PDGFRB: variants seen among roughly 807,000 people sequenced by gnomAD.
PDGFRB encodes the protein platelet derived growth factor receptor beta.
In PDGFRB, 42 loss-of-function variants were observed where a neutral mutation model predicts 120.2. The observed-to-expected ratio is 0.35, with a 90% CI of 0.27 to 0.45. The LOEUF (loss-of-function observed/expected upper bound fraction) is 0.45, where lower values mean the gene tolerates loss of function less well. Among genes scored for constraint, PDGFRB ranks in the 20% least tolerant of loss-of-function variants. The pLI is 1.00. For synonymous variants in PDGFRB, 586 were observed against 606.8 expected, an observed-to-expected ratio of 0.97 and a Z score of 0.50; for missense variants, 1,149 against 1,476.3, an observed-to-expected ratio of 0.78 and a Z score of 3.63.
At chr5:150,147,926 C>T (rs953859691) in intron 1 of PDGFRB, among the ~76,000 whole-genome samples, 3 of 152,200 alleles carry the variant, frequency 2.0e-5, no homozygotes, top group Admixed American at 6.5e-5. Context: ...GAAGAAGTCA[C>T]TCACTCACTC....
At chr5:150,152,247 T>C (rs983553853) in intron 1 of PDGFRB, among the ~76,000 whole-genome samples, 2 of 152,154 alleles carry the variant, frequency 1.3e-5, no homozygotes, top group African/African-American at 2.4e-5. Context: ...ACTAAGAATG[T>C]CCTGAATGCC....
At chr5:150,150,563 C>CCTGCCCCAGGCTGGGGGTGGG (rs1761047748) in intron 1 of PDGFRB, among the ~76,000 whole-genome samples, 1 of 150,524 alleles carries the variant, frequency 6.6e-6, no homozygotes, top group African/African-American at 2.5e-5. Context: ...TTTTCAGCCT[C>CCTGCCCCAGGCTGGGGGTGGG]CTGCACCAGG....
In PDGFRB at chr5:150,129,135, T is replaced by A. The variant is rs544193569; in HGVS notation, c.1579+622A>T. Reference sequence around the variant, plus strand: ...ACTTTTCTAGAAAGGTGTGCTCCAATTATATGCTTACAGACATGCACTATG... The same window carrying A: ...ACTTTTCTAGAAAGGTGTGCTCCAAATATATGCTTACAGACATGCACTATG... On this transcript the variant is annotated intron_variant, in intron 10 of 22. Coordinates refer to ENST00000261799, the MANE Select transcript of PDGFRB (RefSeq NM_002609.4). Among the ~76,000 whole-genome samples, 39 of 152,308 alleles carry A rather than the reference T, an allele frequency of 2.6e-4. 1 individual carries two copies. In the South Asian group the frequency reaches 7.9e-3, roughly 31 times the overall value.
Position 150,121,018 on chromosome 5 carries a change from T to C in PDGFRB, c.2464-8A>G. 1 of 1,613,906 alleles carries C rather than the reference T, an allele frequency of 6.2e-7. No individual in the cohort carries two copies. The highest frequency in any genetic ancestry group is 8.5e-7 in the Non-Finnish European group (1 of 1,179,842). ...CAGGTCTCTGTGGACGCACTGGGTT[T>C]GGGGAGAGGGGAGCTGAGGCCTTGG... On this transcript the variant is annotated splice_region_variant and splice_polypyrimidine_tract_variant and intron_variant, in intron 17 of 22. Coordinates refer to ENST00000261799, the MANE Select transcript of PDGFRB (RefSeq NM_002609.4). The surrounding 1 kb of genome is among the most constrained non-coding windows in gnomAD (Gnocchi z 4.1).
chr5:150,144,339 G>T (rs1025613254), intron 1 of PDGFRB, among the ~76,000 whole-genome samples: 2 of 152,114 alleles, frequency 1.3e-5, no homozygotes, highest in Non-Finnish European at 2.9e-5. Context: ...TTCCGGCCCG[G>T]CCCTGACAGC....
intron 1 of PDGFRB, among the ~76,000 whole-genome samples, chr5:150,148,388 C>T (rs1010049218): frequency 1.3e-5 from 2 of 152,224 alleles, no homozygotes; most frequent in African/African-American, 2.4e-5. Flanking sequence ...CCTGGGCCCT[C>T]GGCTGCCTCC....
rs756870292 is a variant in PDGFRB, at chr5:150,121,350, T to A, written c.2345-28A>T. ...AGAGGAGAAGCAGAGGGTCACCTGC[T>A]ATCTTATATCTCCTTCTGGCCCACA... On this transcript the variant is annotated intron_variant, in intron 16 of 22. Coordinates refer to ENST00000261799, the MANE Select transcript of PDGFRB (RefSeq NM_002609.4). The surrounding 1 kb of genome is among the most constrained non-coding windows in gnomAD (Gnocchi z 4.1). 1 of 982,460 alleles carries A rather than the reference T, an allele frequency of 1.0e-6. No homozygotes were observed. Among genetic ancestry groups the A allele is most frequent in the Non-Finnish European group, 1.7e-6 (1 of 602,546 alleles). 60.9% of individuals were successfully genotyped at this position (982,460 alleles called of 1,614,324 possible). A position where few individuals can be genotyped will look rare whatever the true frequency, so the allele number is the denominator to read the frequency against.
intron 1 of PDGFRB, among the ~76,000 whole-genome samples, chr5:150,147,576 G>T (rs1475813629): frequency 6.6e-6 from 1 of 152,218 alleles, no homozygotes; most frequent in Non-Finnish European, 1.5e-5. Flanking sequence ...TAGGGGAGGG[G>T]TAGCTAGCTA....
chr5:150,129,682 A>C, intron 10 of PDGFRB, 75 bp downstream of exon 10: 4 of 1,261,120 alleles, frequency 3.2e-6, no homozygotes, highest in Non-Finnish European at 4.5e-6. Context: ...CTGTGGGTAC[A>C]TGGGCACATT....
At chr5:150,145,284 T>C (rs539502305) in intron 1 of PDGFRB, among the ~76,000 whole-genome samples, 46 of 152,348 alleles carry the variant, frequency 3.0e-4, no homozygotes, top group African/African-American at 1.1e-3. Flanking sequence ...ACAGACAAAA[T>C]ATGTGTTAAT....
At chr5:150,128,187 C>T (rs375993231) in intron 10 of PDGFRB, among the ~76,000 whole-genome samples, 17 of 152,352 alleles carry the variant, frequency 1.1e-4, no homozygotes, top group Admixed American at 3.3e-4. Flanking sequence ...CTCAGCTTCC[C>T]GCTCAGGCTT....
chr5:150,148,181 C>T (rs1760977077), intron 1 of PDGFRB, among the ~76,000 whole-genome samples: 1 of 152,226 alleles, frequency 6.6e-6, no homozygotes, highest in Admixed American at 6.5e-5. Flanking sequence ...ATCTAATCAC[C>T]ACTGTCTGTC....
intron 12 of PDGFRB, 88 bp downstream of exon 12, chr5:150,125,357 G>T (rs1436614622): frequency 8.3e-7 from 1 of 1,209,452 alleles, no homozygotes; most frequent in Non-Finnish European, 1.2e-6. Context: ...CTCATAGCTA[G>T]TCATGGCAAG....
chr5:150,139,808 C>T (rs537240357), intron 1 of PDGFRB, among the ~76,000 whole-genome samples: 29 of 152,028 alleles, frequency 1.9e-4, no homozygotes, highest in South Asian at 8.3e-4. Context: ...GGTGAAACCC[C>T]GTCTCTACTA....
At chr5:150,142,101 C>T (rs1455406999) in intron 1 of PDGFRB, among the ~76,000 whole-genome samples, 1 of 152,122 alleles carries the variant, frequency 6.6e-6, no homozygotes, top group Non-Finnish European at 1.5e-5. Context: ...CACGCCAGAG[C>T]CCTCAGGGAT....
intron 15 of PDGFRB, among the ~76,000 whole-genome samples, chr5:150,122,812 G>A (rs144195884): frequency 3.0e-4 from 46 of 152,304 alleles, no homozygotes; most frequent in African/African-American, 1.0e-3. Flanking sequence ...AAACACCCAC[G>A]ACACAGGGAT....
In PDGFRB at chr5:150,129,929, A is replaced by T. The variant is rs375139942; in HGVS notation, c.1407T>A (p.Ser469Arg). 3.1e-6 allele frequency: 5 copies of T among 1,613,940 alleles called. No homozygotes were observed. In the African/African-American group the frequency reaches 5.3e-5, roughly 17 times the overall value. The change falls in exon 10 of 23, where the codon AGT becomes AGA. Residue 469 changes from serine (S) to arginine (R), a missense_variant. Ser to Arg is a moderately radical substitution (Grantham distance 110, BLOSUM62 -1). Transcript: ENST00000261799. ...TCTCCAGCTGGCTCTCCTCTTCGGA[A>T]CTGTTCCCCAGCAGCGTGGGCGGCA... ...RELPPTLLGN[S>R]SEEESQLETN... is the part of the protein sequence containing the mutation.
chr5:150,121,157 C>A lies in PDGFRB; in HGVS notation c.2463+47G>T, dbSNP rs917363884. On this transcript the variant is annotated intron_variant, in intron 17 of 22. Coordinates refer to ENST00000261799, the MANE Select transcript of PDGFRB (RefSeq NM_002609.4). This position sits in a 1 kb window ranked among gnomAD's most constrained non-coding sequence, Gnocchi z 4.1. ...TGGAGGATGCTGGCTGGCTGGGTGA[C>A]CCACCTCCCCACAGCCCCCACTCTG... is the stretch of plus-strand genomic sequence containing the variant. 2.3e-6 allele frequency: 3 copies of A among 1,300,910 alleles called. No homozygotes were observed. Among genetic ancestry groups the A allele is most frequent in the Non-Finnish European group, 3.4e-6 (3 of 894,528 alleles). 80.6% of individuals were successfully genotyped at this position (1,300,910 alleles called of 1,614,324 possible).
chr5:150,131,092 G>A (rs1760452201), intron 8 of PDGFRB, among the ~76,000 whole-genome samples: 1 of 152,150 alleles, frequency 6.6e-6, no homozygotes, highest in African/African-American at 2.4e-5. Context: ...AAATAAATTT[G>A]TTTTTAGAAA....
Sources: gnomAD v4.1 joint callset for allele counts (sites outside exome capture counted in the v4.1 genomes callset) on GRCh38, gnomAD v4.1.1 for gene constraint, Gnocchi (gnomAD v3.1) non-coding constraint, MANE v1.5 for transcripts, NCBI Gene and HGNC (gene_info 2026-07-23, HGNC 2026-07-21) for gene names.